PTPRG: variants seen among roughly 807,000 people sequenced by gnomAD.
PTPRG encodes the protein protein tyrosine phosphatase receptor type G, also known as receptor-type tyrosine-protein phosphatase gamma.
In PTPRG, 102 loss-of-function variants were observed where a neutral mutation model predicts 165.3. The observed-to-expected ratio is 0.62, with a 90% confidence interval of 0.53 to 0.73. The LOEUF (loss-of-function observed/expected upper bound fraction) is 0.73, where lower values mean the gene tolerates loss of function less well. Among genes scored for constraint, PTPRG ranks in the 30% least tolerant of loss-of-function variants. The probability of loss-of-function intolerance (pLI) is 0.00; values close to 1 mark genes in which losing one functional copy is unlikely to be tolerated. For missense variants in PTPRG, 1,866 were observed against 1,861.4 expected (o/e 1.00, Z -0.05); for synonymous variants, 675 against 669.5 (o/e 1.01, Z -0.13).
At chr3:62,194,821 T>G (rs998803900) in intron 9 of PTPRG, among the ~76,000 whole-genome samples, 1 of 151,444 alleles carries the variant, frequency 6.6e-6, no homozygotes, top group East Asian at 1.9e-4. Context: ...AAAAAAAGAA[T>G]AATGTTACTC....
At chr3:62,019,522 CAAAA>C (rs57682254) in intron 4 of PTPRG, among the ~76,000 whole-genome samples, 6 of 93,858 alleles carry the variant, frequency 6.4e-5, no homozygotes, top group African/African-American at 1.1e-4. Flanking sequence ...GACCCCATCT[CAAAA>C]AAAAAAAAAA....
chr3:62,036,973 G>A (rs149555590), intron 4 of PTPRG, among the ~76,000 whole-genome samples: 3,461 of 105,102 alleles, frequency 0.033, 59 homozygotes, highest in South Asian at 0.095. Flanking sequence ...CTGCACGTGC[G>A]CGCGCGCACG....
intron 1 of PTPRG, among the ~76,000 whole-genome samples, chr3:61,674,256 T>C (rs1317542017): frequency 6.6e-6 from 1 of 152,038 alleles, no homozygotes; most frequent in Admixed American, 6.6e-5. Context: ...ATGTTAATGT[T>C]GCCTTGAGTA....
chr3:62,153,672 A>G (rs1704427610), intron 6 of PTPRG, among the ~76,000 whole-genome samples: 3 of 152,382 alleles, frequency 2.0e-5, no homozygotes, highest in African/African-American at 7.2e-5. Flanking sequence ...AATAATATCT[A>G]TCACGTATGA....
At chr3:61,834,125 C>T (rs147703654) in intron 2 of PTPRG, among the ~76,000 whole-genome samples, 65 of 152,230 alleles carry the variant, frequency 4.3e-4, no homozygotes, top group Admixed American at 2.8e-3. Flanking sequence ...AACACATTTG[C>T]CTTGGAAGGA....
intron 2 of PTPRG, among the ~76,000 whole-genome samples, chr3:61,937,552 A>C (rs2039510447): frequency 6.6e-6 from 1 of 152,224 alleles, no homozygotes; most frequent in African/African-American, 2.4e-5. Flanking sequence ...ACAAATGCTT[A>C]AAAATAATGT....
intron 1 of PTPRG, among the ~76,000 whole-genome samples, chr3:61,684,849 T>C (rs1414355149): frequency 6.6e-6 from 1 of 152,138 alleles, no homozygotes; most frequent in Non-Finnish European, 1.5e-5. Flanking sequence ...GGGAACCAGG[T>C]TTTAAATGAA....
At chr3:61,744,010 C>T (rs2033101968) in intron 1 of PTPRG, among the ~76,000 whole-genome samples, 2 of 152,166 alleles carry the variant, frequency 1.3e-5, no homozygotes, top group Non-Finnish European at 2.9e-5. Context: ...ATCATTGCCA[C>T]ACCGCCTTTG....
chr3:62,021,470 A>T (rs1235933234), intron 4 of PTPRG, among the ~76,000 whole-genome samples: 1 of 152,232 alleles, frequency 6.6e-6, no homozygotes, highest in African/African-American at 2.4e-5. Flanking sequence ...CTTGTTTGAA[A>T]AAGCCAAAAA....
chr3:62,256,720 A>G (rs1221452707), intron 16 of PTPRG, among the ~76,000 whole-genome samples: 2 of 152,226 alleles, frequency 1.3e-5, no homozygotes, highest in African/African-American at 4.8e-5. Context: ...GAATTTGATC[A>G]GGATGATCAA....
Position 61,860,429 on chromosome 3 carries a change from TG to T in PTPRG, c.190+111448del, listed in dbSNP as rs1274197762. The stretch of plus-strand genomic sequence containing the variant: ...TAATAGCTGTGCTTTTTTTTGTTTT[TG>T]TTCCTTTTTTTTTTTTTTTTTTTTT... On this transcript the variant is annotated intron_variant, in intron 2 of 29. Coordinates refer to ENST00000474889, the MANE Select transcript of PTPRG (RefSeq NM_002841.4). Among the ~76,000 whole-genome samples, 217 of 140,248 alleles carry T rather than the reference TG, an allele frequency of 1.5e-3. 3 individuals are homozygous for T. In the Admixed American group the frequency reaches 0.016, roughly 10 times the overall value. 92.0% of individuals were successfully genotyped at this position (140,248 alleles called of 152,430 possible).
intron 5 of PTPRG, among the ~76,000 whole-genome samples, chr3:62,103,556 T>C (rs1702367002): frequency 6.6e-6 from 1 of 152,244 alleles, no homozygotes; most frequent in Admixed American, 6.5e-5. Context: ...TCTTCTAGTT[T>C]GCTCCATCTC....
chr3:61,737,780 C>T (rs1449339066), intron 1 of PTPRG, among the ~76,000 whole-genome samples: 2 of 151,978 alleles, frequency 1.3e-5, no homozygotes, highest in African/African-American at 4.8e-5. Flanking sequence ...CTACCATCTA[C>T]CATGTTTAGG....
At chr3:61,618,992 A>G (rs977632525) in intron 1 of PTPRG, among the ~76,000 whole-genome samples, 2 of 151,276 alleles carry the variant, frequency 1.3e-5, no homozygotes, top group African/African-American at 4.9e-5. Context: ...AAAAAAAAAA[A>G]AAAAAAAGTT....
intron 1 of PTPRG, among the ~76,000 whole-genome samples, chr3:61,703,233 T>C (rs781072395): frequency 6.6e-6 from 1 of 152,126 alleles, no homozygotes; most frequent in Non-Finnish European, 1.5e-5. Flanking sequence ...GCCCCACTTA[T>C]ATAGGTGCCA....
At chr3:62,269,208 T>C (rs1701980208) in intron 20 of PTPRG, 39 bp downstream of exon 20, 11 of 1,516,140 alleles carry the variant, frequency 7.3e-6, no homozygotes, top group Non-Finnish European at 8.9e-6. Context: ...GGCATCCCCT[T>C]TTTATACTTG....
At chr3:61,726,276 C>G (rs2032249881) in intron 1 of PTPRG, among the ~76,000 whole-genome samples, 1 of 152,130 alleles carries the variant, frequency 6.6e-6, no homozygotes, top group Non-Finnish European at 1.5e-5. Flanking sequence ...TGTTTACCAT[C>G]TCTTTCAAGC....
At chr3:61,755,008 T>C (rs2033585272) in intron 2 of PTPRG, among the ~76,000 whole-genome samples, 2 of 151,986 alleles carry the variant, frequency 1.3e-5, no homozygotes, top group African/African-American at 2.4e-5. Flanking sequence ...TTTTTTTCTT[T>C]TGAGATGGAG....
At chr3:61,768,012 A>G (rs2034086761) in intron 2 of PTPRG, among the ~76,000 whole-genome samples, 1 of 150,872 alleles carries the variant, frequency 6.6e-6, no homozygotes, top group African/African-American at 2.4e-5. Context: ...TTTAATTTTG[A>G]TCTCTCACTA....
Sources: allele counts gnomAD v4.1 joint callset (sites outside exome capture counted in the v4.1 genomes callset), GRCh38; gene constraint gnomAD v4.1.1; transcripts MANE v1.5; gene names NCBI Gene and HGNC (gene_info 2026-07-23, HGNC 2026-07-21).